ACYP2: variants seen among roughly 807,000 people sequenced by gnomAD.
ACYP2 encodes acylphosphatase-2.
ACYP2 carries 12 observed loss-of-function variants against 11.2 expected under a neutral mutation model. The observed-to-expected ratio is 1.08, with a 90% CI of 0.69 to 1.74. The LOEUF (loss-of-function observed/expected upper bound fraction) is 1.74. ACYP2 is among the 40% of genes most tolerant of loss of function. The pLI is 0.00. For synonymous variants in ACYP2, 43 were observed against 32.2 expected, an observed-to-expected ratio of 1.33 and a Z score of -1.13; for missense variants, 134 against 101.9, an observed-to-expected ratio of 1.31 and a Z score of -1.35.
intron 6 of ACYP2, among the ~76,000 whole-genome samples, chr2:54,246,124 C>A (rs1038269048): frequency 7.9e-5 from 12 of 152,044 alleles, no homozygotes; most frequent in Admixed American, 3.3e-4. Context: ...TTCTTTCCCC[C>A]AATTAACGTT....
intron 6 of ACYP2, among the ~76,000 whole-genome samples, chr2:54,245,217 CT>C (rs1558639159): frequency 6.6e-6 from 1 of 152,104 alleles, no homozygotes; most frequent in South Asian, 2.1e-4. Context: ...GGATTTCATT[CT>C]TTTTTATGGC....
At chr2:54,243,534 G>A (rs568375982) in intron 6 of ACYP2, among the ~76,000 whole-genome samples, 1 of 151,398 alleles carries the variant, frequency 6.6e-6, no homozygotes, top group East Asian at 1.9e-4. Flanking sequence ...TCGCTCTGTC[G>A]CCCAGGCTGG....
chr2:54,228,810 G>A (rs1473055725), intron 6 of ACYP2, among the ~76,000 whole-genome samples: 1 of 151,988 alleles, frequency 6.6e-6, no homozygotes, highest in African/African-American at 2.4e-5. Context: ...AAAGTATAAG[G>A]GGCCCATAAC....
intron 4 of ACYP2, among the ~76,000 whole-genome samples, chr2:54,068,514 A>G (rs1676861272): frequency 6.6e-6 from 1 of 152,196 alleles, no homozygotes; most frequent in African/African-American, 2.4e-5. Context: ...TGGATTAAGA[A>G]GAAACAGGTA....
At chr2:54,143,756 TTGG>T (rs1681739676) in intron 6 of ACYP2, among the ~76,000 whole-genome samples, 1 of 102,900 alleles carries the variant, frequency 9.7e-6, no homozygotes, top group Non-Finnish European at 1.8e-5. Context: ...TTTTTTTTTT[TTGG>T]GGGGGGGGTA....
intron 6 of ACYP2, among the ~76,000 whole-genome samples, chr2:54,221,377 G>T (rs1685795251): frequency 6.6e-6 from 1 of 152,090 alleles, no homozygotes. Flanking sequence ...TTTTCATTAA[G>T]AAAAAGTAAA....
intron 4 of ACYP2, among the ~76,000 whole-genome samples, chr2:54,133,400 C>T (rs1681036952): frequency 6.6e-6 from 1 of 152,088 alleles, no homozygotes; most frequent in Non-Finnish European, 1.5e-5. Context: ...ATTGCTATAT[C>T]CTCTCCTCTA....
intron 6 of ACYP2, among the ~76,000 whole-genome samples, chr2:54,153,460 G>GTT (rs3069007): frequency 0.063 from 8,426 of 133,008 alleles, 439 homozygotes; most frequent in East Asian, 0.25. Context: ...GCTACTTAGG[G>GTT]TTTTTTTTTT....
chr2:54,057,895 A>G (rs1325912650), intron 4 of ACYP2, among the ~76,000 whole-genome samples: 1 of 152,324 alleles, frequency 6.6e-6, no homozygotes, highest in Admixed American at 6.5e-5. Flanking sequence ...TGATTTGGTT[A>G]TTAAATGCCA....
chr2:54,253,921 G>C (rs925554303), intron 6 of ACYP2: 3 of 150,744 alleles, frequency 2.0e-5, no homozygotes, highest in Admixed American at 1.3e-4. Flanking sequence ...TGCTTCTGCG[G>C]ATGTTTCTGA....
chr2:54,015,281 G>A (rs1269083955), intron 2 of ACYP2, among the ~76,000 whole-genome samples: 2 of 151,668 alleles, frequency 1.3e-5, no homozygotes, highest in Non-Finnish European at 2.9e-5. Flanking sequence ...GGAGGCCGAG[G>A]CGAGCAGATC....
At chr2:54,251,292 C>G (rs544425400) in intron 6 of ACYP2, among the ~76,000 whole-genome samples, 56 of 152,002 alleles carry the variant, frequency 3.7e-4, no homozygotes, top group Admixed American at 2.0e-3. Context: ...ATGGTTTACC[C>G]AAAAAGATGT....
At chr2:53,997,831 T>C (rs1362918787) in intron 2 of ACYP2, among the ~76,000 whole-genome samples, 1 of 152,026 alleles carries the variant, frequency 6.6e-6, no homozygotes, top group Non-Finnish European at 1.5e-5. Context: ...GGAAAATACA[T>C]TGGGAAATGA....
At chr2:54,002,387 C>T (rs142625694) in intron 2 of ACYP2, among the ~76,000 whole-genome samples, 357 of 151,498 alleles carry the variant, frequency 2.4e-3, no homozygotes, top group Middle Eastern at 0.014. Flanking sequence ...GCTCTGTTGC[C>T]CAGGCTGGAG....
At chr2:54,141,926 C>T (rs1015065087) in intron 6 of ACYP2, 3 of 608,306 alleles carry the variant, frequency 4.9e-6, no homozygotes, top group Admixed American at 2.2e-5. Context: ...CAGCCTTGAC[C>T]TTCTGGGCTC....
At chr2:54,135,548 A>G (rs754089821) in intron 5 of ACYP2, 79 bp downstream of exon 2, 44 of 1,239,406 alleles carry the variant, frequency 3.6e-5, no homozygotes, top group Non-Finnish European at 4.5e-5. Context: ...GCAGTTTTCT[A>G]CTTGGCGCTA....
intron 6 of ACYP2, among the ~76,000 whole-genome samples, chr2:54,264,378 C>T (rs1458890207): frequency 1.3e-5 from 2 of 152,188 alleles, no homozygotes; most frequent in Non-Finnish European, 2.9e-5. Flanking sequence ...TTTGGCCCCG[C>T]CCACATCCTG....
intron 6 of ACYP2, among the ~76,000 whole-genome samples, chr2:54,244,740 C>T (rs1263597267): frequency 1.3e-5 from 2 of 151,736 alleles, no homozygotes; most frequent in Non-Finnish European, 2.9e-5. Context: ...TTATTTTTTT[C>T]TGTATAATTT....
chr2:54,270,280 G>A (rs17045755), intron 6 of ACYP2, among the ~76,000 whole-genome samples: 8,902 of 152,062 alleles, frequency 0.059, 433 homozygotes, highest in African/African-American at 0.13. Flanking sequence ...CAAAAATGCT[G>A]TCTAAAGATT....
Sources: gnomAD v4.1 joint callset for allele counts (sites outside exome capture counted in the v4.1 genomes callset) on GRCh38, gnomAD v4.1.1 for gene constraint, MANE v1.5 for transcripts, NCBI Gene and HGNC (gene_info 2026-07-23, HGNC 2026-07-21) for gene names.